The following NRG3 variants were observed in gnomAD, a reference collection of about 807,000 sequenced individuals.
The protein encoded by NRG3 is neuregulin 3.
NRG3 carries 31 observed loss-of-function variants against 66.9 expected under a neutral mutation model. The ratio of observed to expected loss-of-function variants is 0.46; its 90% CI spans 0.35 to 0.63. The LOEUF is 0.63. Among genes scored for constraint, NRG3 ranks in the 20% least tolerant of loss-of-function variants. NRG3 has a pLI of 0.00. For synonymous variants in NRG3, 393 were observed against 359.4 expected (o/e 1.09, Z -1.06); for missense variants, 910 against 878.9 (o/e 1.04, Z -0.45).
chr10:82,343,318 A>G (rs2082781992), intron 1 of NRG3, among the ~76,000 whole-genome samples: 1 of 152,138 alleles, frequency 6.6e-6, no homozygotes. Flanking sequence ...AATCGTTACA[A>G]AAAAATACAT....
chr10:82,164,982 G>A (rs574153474), intron 1 of NRG3, among the ~76,000 whole-genome samples: 1 of 152,120 alleles, frequency 6.6e-6, no homozygotes, highest in South Asian at 2.1e-4. Context: ...TCTAATATCT[G>A]TTTATGCCCT....
At chr10:82,948,535 A>G (rs1450107995) in intron 4 of NRG3, among the ~76,000 whole-genome samples, 3 of 152,130 alleles carry the variant, frequency 2.0e-5, no homozygotes, top group Admixed American at 6.5e-5. Context: ...GGGAGAATTG[A>G]CATCTTAATA....
At chr10:82,908,818 C>T (rs1001809943) in intron 4 of NRG3, among the ~76,000 whole-genome samples, 1 of 146,418 alleles carries the variant, frequency 6.8e-6, no homozygotes, top group African/African-American at 2.5e-5. Context: ...TTTGGACATA[C>T]TCTGGGAATG....
chr10:82,573,448 A>G (rs2045856323), intron 2 of NRG3, among the ~76,000 whole-genome samples: 1 of 151,836 alleles, frequency 6.6e-6, no homozygotes, highest in Non-Finnish European at 1.5e-5. Context: ...TAAATGTTTC[A>G]AAACAATTTA....
At chr10:81,898,941 G>T (rs947409056) in intron 1 of NRG3, among the ~76,000 whole-genome samples, 22 of 152,134 alleles carry the variant, frequency 1.4e-4, no homozygotes, top group Non-Finnish European at 2.4e-4. Context: ...AGCAGCTCTT[G>T]CTGAGTGATT....
In NRG3 at chr10:82,734,050, C is replaced by A. The variant is rs962240618; in HGVS notation, c.954-4527C>A. The stretch of plus-strand genomic sequence containing the variant: ...CTTCCTTAGGGTCCTCCACATCCAG[C>A]CTGGGTAATATGTTGCTCAATCTGC... On this transcript the variant is annotated intron_variant, in intron 2 of 8. Coordinates refer to ENST00000372141, the MANE Select transcript of NRG3 (RefSeq NM_001010848.4). Among the ~76,000 whole-genome samples the A allele has an allele frequency of 1.1e-4, 17 of 152,306 alleles. 1 individual carries two copies. Among genetic ancestry groups the A allele is most frequent in the Middle Eastern group, 6.8e-3 (2 of 294 alleles).
chr10:82,985,455 A>G lies in NRG3; in HGVS notation c.1941A>G (p.Ser647=), dbSNP rs371965260. 3 of 1,614,018 alleles carry G rather than the reference A, an allele frequency of 1.9e-6. No individual in the cohort carries two copies. The African/African-American group carries it at 4.0e-5, about 22-fold the overall frequency. ...GAATTCTGACTGATGCCAGACGGTC[A>G]GAAGACTACGAACTGGCCAGCGTAG... ...QIRILTDARR[S]EDYELASVET... Residue 647 remains serine, a synonymous_variant, in exon 9 of 9, where the codon TCA becomes TCG. Coordinates refer to ENST00000372141, the MANE Select transcript of NRG3 (RefSeq NM_001010848.4).
intron 2 of NRG3, among the ~76,000 whole-genome samples, chr10:82,439,204 C>G (rs892019888): frequency 6.6e-6 from 1 of 152,030 alleles, no homozygotes; most frequent in African/African-American, 2.4e-5. Flanking sequence ...ACACCAAAGT[C>G]ATTTGCTGGG....
intron 2 of NRG3, among the ~76,000 whole-genome samples, chr10:82,422,808 A>G (rs986345636): frequency 1.3e-4 from 20 of 152,134 alleles, no homozygotes; most frequent in Admixed American, 3.3e-4. Flanking sequence ...AACAGTTGTC[A>G]ACTAAAAATG....
chr10:82,172,505 A>G (rs1008016689), intron 1 of NRG3, among the ~76,000 whole-genome samples: 3 of 152,158 alleles, frequency 2.0e-5, no homozygotes, highest in Non-Finnish European at 2.9e-5. Flanking sequence ...ACTGGAGAAT[A>G]GAACAAGAAA....
At chr10:82,979,272 C>T in intron 8 of NRG3, 152 bp downstream of exon 8, 1 of 752,016 alleles carries the variant, frequency 1.3e-6, no homozygotes, top group Non-Finnish European at 2.1e-6. Flanking sequence ...AAAAGGTGAA[C>T]CAACTTTGAT....
At chr10:81,899,423 C>T (rs529643686) in intron 1 of NRG3, among the ~76,000 whole-genome samples, 10 of 152,292 alleles carry the variant, frequency 6.6e-5, no homozygotes, top group South Asian at 2.1e-4. Context: ...TGGTGCAAAC[C>T]GGCATCCCAG....
At position 82,370,649 on chromosome 10, in the gene NRG3, C is replaced by T. The variant is rs149960592; in HGVS notation, c.953+11781C>T. Among the ~76,000 whole-genome samples the T allele has an allele frequency of 4.9e-3, 748 of 152,192 alleles. 5 individuals are homozygous for T. The highest frequency in any genetic ancestry group is 0.024 in the Middle Eastern group (7 of 294). ...TCCGTATCAATAAGGTAGAAGAGAG[C>T]GCCCTAAAACCCATTCTTTTCACTG... On this transcript the variant is annotated intron_variant, in intron 2 of 8. Coordinates refer to ENST00000372141, the MANE Select transcript of NRG3 (RefSeq NM_001010848.4).
Position 81,875,307 on chromosome 10 carries a change from C to T in NRG3, c.-34C>T, listed in dbSNP as rs1841519988. 1.0e-6 allele frequency: 1 copy of T among 983,584 alleles called. No homozygotes were observed. 60.9% of individuals were successfully genotyped at this position (983,584 alleles called of 1,614,324 possible). A position where few individuals can be genotyped will look rare whatever the true frequency, so the allele number is the denominator to read the frequency against. The stretch of plus-strand genomic sequence containing the variant: ...GCGGCCCCATGCCTCTGCCGCGGCC[C>T]TCGGGGGGGCGAAGGTGAAGACCGG... On this transcript the variant is annotated 5_prime_UTR_variant, in exon 1 of 9. Coordinates refer to ENST00000372141, the MANE Select transcript of NRG3 (RefSeq NM_001010848.4). This position sits in a 1 kb window ranked among gnomAD's most constrained non-coding sequence, Gnocchi z 5.3.
chr10:82,183,069 A>G (rs1255304402), intron 1 of NRG3, among the ~76,000 whole-genome samples: 1 of 151,968 alleles, frequency 6.6e-6, no homozygotes, highest in African/African-American at 2.4e-5. Flanking sequence ...GAATTTTGAC[A>G]GTTAGATTAT....
chr10:82,168,321 C>T (rs183119517), intron 1 of NRG3, among the ~76,000 whole-genome samples: 43 of 152,160 alleles, frequency 2.8e-4, no homozygotes, highest in Admixed American at 5.9e-4. Flanking sequence ...CATTTGGCTT[C>T]TCTCTTGGAA....
rs1853467333 is a variant in NRG3 at position 82,986,853 on chromosome 10, A to G, written c.*1248A>G. On this transcript the variant is annotated 3_prime_UTR_variant, in exon 9 of 9. Coordinates refer to ENST00000372141, the MANE Select transcript of NRG3 (RefSeq NM_001010848.4). ...CCATTTATTTTATAGCAAGTCTGCT[A>G]TGTGTGGACCAAGGCTTCGGCTTCT... 1 of 152,244 alleles carries G rather than the reference A, an allele frequency of 6.6e-6. No individual in the cohort carries two copies. Among genetic ancestry groups the G allele is most frequent in the Admixed American group, 6.5e-5 (1 of 15,292 alleles). 9.4% of individuals were successfully genotyped at this position (152,244 alleles called of 1,614,324 possible). A position where few individuals can be genotyped will look rare whatever the true frequency, so the allele number is the denominator to read the frequency against.
At chr10:82,549,757 T>C (rs918594754) in intron 2 of NRG3, among the ~76,000 whole-genome samples, 6 of 152,168 alleles carry the variant, frequency 3.9e-5, no homozygotes, top group Non-Finnish European at 7.3e-5. Flanking sequence ...GTTTTCTGTC[T>C]GAGGCATATT....
intron 3 of NRG3, chr10:82,827,089 A>G (rs2062253593): frequency 9.1e-6 from 3 of 328,050 alleles, no homozygotes; most frequent in South Asian, 7.1e-5. Context: ...TCAGAGAAAA[A>G]AGCTTGAAAA....
Sources: gnomAD v4.1 joint callset for allele counts (sites outside exome capture counted in the v4.1 genomes callset) on GRCh38, gnomAD v4.1.1 for gene constraint, Gnocchi (gnomAD v3.1) non-coding constraint, MANE v1.5 for transcripts, NCBI Gene and HGNC (gene_info 2026-07-23, HGNC 2026-07-21) for gene names.